Variants in DST observed in about 807,000 individuals in gnomAD.
The protein encoded by DST is bullous pemphigoid antigen.
A neutral mutation model predicts 875.2 loss-of-function variants in DST; 253 were observed. The ratio of observed to expected loss-of-function variants is 0.29; its 90% CI spans 0.26 to 0.32. The LOEUF (loss-of-function observed/expected upper bound fraction) is 0.32. Among genes scored for constraint, DST ranks in the 10% least tolerant of loss-of-function variants. DST has a pLI of 1.00. For missense variants in DST, 8,287 were observed against 9,111.6 expected (o/e 0.91, Z 3.68); for synonymous variants, 3,124 against 3,197.1 (o/e 0.98, Z 0.77).
At chr6:56,677,727 C>G (rs761091460) in intron 9 of DST, among the ~76,000 whole-genome samples, 10 of 152,200 alleles carry the variant, frequency 6.6e-5, no homozygotes, top group Non-Finnish European at 1.0e-4. Flanking sequence ...AAACTTGAAG[C>G]CTTCATGCCT....
At chr6:56,620,578 TTTC>T (rs2098681366) in intron 36 of DST, 1 of 1,614,090 alleles carries the variant, frequency 6.2e-7, no homozygotes, top group Admixed American at 1.7e-5. Flanking sequence ...GGGACTTTTG[TTTC>T]TTTAGTTCAG....
chr6:56,895,882 C>T (rs1228638481), intron 3 of DST, among the ~76,000 whole-genome samples: 3 of 29,228 alleles, frequency 1.0e-4, no homozygotes, highest in East Asian at 1.3e-3. Flanking sequence ...TCAGGCGTGG[C>T]GGCGCGCGCC....
rs2097344406 is a variant in DST, at chr6:56,552,795, T to C, written c.15997A>G (p.Lys5333Glu). 2 of 1,611,152 alleles carry C rather than the reference T, an allele frequency of 1.2e-6. No homozygotes were observed. The highest frequency in any genetic ancestry group is 1.7e-6 in the Non-Finnish European group (2 of 1,179,892). ...ACCACAAGGTCCTGTGCAAGTCTTT[T>C]AGCCAAATCTACCTGATGCTTCAAG... ...QALKHQVDLA[K>E]RLAQDLVVEA... The change falls in exon 61 of 104, where the codon AAA becomes GAA. Residue 5333 changes from lysine (K) to glutamate (E), a missense_variant. Physicochemically the swap from Lys to Glu is moderately conservative, Grantham distance 56. This residue lies in a region of DST where 1,513 missense variants were observed against 1,677.8 expected (regional missense o/e 0.90). Transcript: ENST00000680361.
rs1389301030 is a variant in DST, at chr6:56,604,906, A to T, written c.9722T>A (p.Met3241Lys). 2.5e-6 allele frequency: 4 copies of T among 1,612,632 alleles called. No individual in the cohort carries two copies. Among genetic ancestry groups the T allele is most frequent in the South Asian group, 2.2e-5 (2 of 91,028 alleles). ...ACTACAAAGATCATTGCTTTGGATC[A>T]TGTCATTAAGAGGTGAGTCTTTTTG... is the stretch of plus-strand genomic sequence containing the variant. Reference protein sequence around the residue: ...STQKDSPLNDMIQSNDLCSKE... With the variant: ...STQKDSPLNDKIQSNDLCSKE... Residue 3241 changes from methionine to lysine, a missense_variant, in exon 40 of 104, where the codon ATG becomes AAG. Around this residue, in one of 10 missense-constraint regions of DST, gnomAD observed 3,138 missense variants for 3,116.6 expected, o/e 1.01. Coordinates refer to ENST00000680361, the MANE Select transcript of DST (RefSeq NM_001374736.1).
At chr6:56,844,627 C>A (rs1239225202) in intron 4 of DST, among the ~76,000 whole-genome samples, 1 of 152,164 alleles carries the variant, frequency 6.6e-6, no homozygotes, top group Non-Finnish European at 1.5e-5. Flanking sequence ...GTAATCCCAG[C>A]ACTTTGGGAG....
At position 56,865,799 on chromosome 6, in the gene DST, C is replaced by T. The variant is rs75542424; in HGVS notation, c.418-14195G>A. On this transcript the variant is annotated intron_variant, in intron 3 of 103. Coordinates refer to ENST00000680361, the MANE Select transcript of DST (RefSeq NM_001374736.1). Reference sequence around the variant, plus strand: ...TCTGATGGAGTCTGAAAATCTGCTACCAAAAACTGCTGCCACAATGTCTGA... The same window carrying T: ...TCTGATGGAGTCTGAAAATCTGCTATCAAAAACTGCTGCCACAATGTCTGA... Among the ~76,000 whole-genome samples the T allele has an allele frequency of 7.2e-4, 109 of 152,250 alleles. 2 individuals are homozygous for T. In the East Asian group the frequency reaches 0.021, roughly 29 times the overall value.
chr6:56,576,073 C>T (rs935115352), intron 50 of DST, among the ~76,000 whole-genome samples: 32 of 152,154 alleles, frequency 2.1e-4, no homozygotes, highest in African/African-American at 7.7e-4. Context: ...TACCAATGGC[C>T]AATGATGTAA....
chr6:56,499,597 T>C (rs2096052502), intron 80 of DST, among the ~76,000 whole-genome samples: 1 of 152,040 alleles, frequency 6.6e-6, no homozygotes, highest in Non-Finnish European at 1.5e-5. Context: ...GCTGGGAATT[T>C]TATGTCCTCT....
At chr6:56,609,632 G>A (rs1028049621) in intron 39 of DST, among the ~76,000 whole-genome samples, 1 of 152,148 alleles carries the variant, frequency 6.6e-6, no homozygotes, top group Non-Finnish European at 1.5e-5. Context: ...GGACACAACA[G>A]AGTAGATGAT....
At chr6:56,834,460 G>A (rs1460996153) in intron 4 of DST, among the ~76,000 whole-genome samples, 9 of 152,176 alleles carry the variant, frequency 5.9e-5, no homozygotes, top group Non-Finnish European at 1.3e-4. Context: ...AGCCAGGCGT[G>A]GTGGCGGATG....
chr6:56,921,907 A>G (rs1215035134), intron 2 of DST, among the ~76,000 whole-genome samples: 1 of 151,842 alleles, frequency 6.6e-6, no homozygotes, highest in Non-Finnish European at 1.5e-5. Context: ...ATCTAACATG[A>G]AAAAAGGTTC....
chr6:56,502,932 A>G (rs1314293459), intron 78 of DST, among the ~76,000 whole-genome samples: 1 of 152,154 alleles, frequency 6.6e-6, no homozygotes, highest in Non-Finnish European at 1.5e-5. Flanking sequence ...GAAATAGCTG[A>G]TCCCATTTTG....
rs1163641037 is a variant in DST, at chr6:56,667,543, G to C, written c.1214+3098C>G. On this transcript the variant is annotated intron_variant, in intron 10 of 103. Coordinates refer to ENST00000680361, the MANE Select transcript of DST (RefSeq NM_001374736.1). ...AGAATTTCAGCAACAAAGAAATCTT[G>C]TAAGCATTTAAACCTGATATATGGT... Among the ~76,000 whole-genome samples the C allele has an allele frequency of 3.9e-5, 6 of 152,106 alleles. No individual in the cohort carries two copies. The East Asian group carries it at 1.2e-3, about 29-fold the overall frequency.
intron 49 of DST, among the ~76,000 whole-genome samples, chr6:56,584,399 G>A (rs1474576062): frequency 6.6e-6 from 1 of 152,048 alleles, no homozygotes; most frequent in Non-Finnish European, 1.5e-5. Context: ...CTGTTTGTCT[G>A]TTATGGGTGT....
In DST at chr6:56,604,027, CT is replaced by C; in HGVS notation, c.10600del (p.Ser3534AlafsTer11). On this transcript the variant is annotated frameshift_variant, in exon 40 of 104. Coordinates refer to ENST00000680361, the MANE Select transcript of DST (RefSeq NM_001374736.1). LOFTEE classifies it high-confidence loss of function. ...AGGAGAATAGTAGTTTCCTTCTTTG[CT>C]TTTAATATCACCAAGAATATGTGGC... ...EKPHILGDIKSKEGNYYSPNL... is the reference protein window; with the variant it reads ...EKPHILGDIKXKEGNYYSPNL... The C allele has an allele frequency of 6.3e-7, 1 of 1,593,562 alleles. No individual in the cohort carries two copies. The highest frequency in any genetic ancestry group is 8.6e-7 in the Non-Finnish European group (1 of 1,168,316).
chr6:56,790,892 A>G (rs1486139498), intron 4 of DST, among the ~76,000 whole-genome samples: 5 of 152,224 alleles, frequency 3.3e-5, no homozygotes, highest in Non-Finnish European at 7.3e-5. Context: ...TTTGGCCAAC[A>G]AGACCAAGAT....
chr6:56,639,067 T>C (rs1401918117), intron 22 of DST, 192 bp downstream of exon 22: 5 of 621,600 alleles, frequency 8.0e-6, no homozygotes, highest in Non-Finnish European at 1.4e-5. Context: ...GTACTTTTAT[T>C]CTAAGTGATG....
chr6:56,578,977 T>C (rs754544052), intron 49 of DST, 40 bp from the exon 50 acceptor site: 56 of 1,461,210 alleles, frequency 3.8e-5, no homozygotes, highest in Non-Finnish European at 4.8e-5. Context: ...TCAGCAGGAC[T>C]AAATAATAGA....
intron 4 of DST, among the ~76,000 whole-genome samples, chr6:56,785,032 A>T (rs1023322982): frequency 2.6e-5 from 4 of 152,212 alleles, no homozygotes; most frequent in Non-Finnish European, 4.4e-5. Context: ...CAGTGTCTGC[A>T]GAACCGCGGA....
Sources: gnomAD v4.1 joint callset for allele counts (sites outside exome capture counted in the v4.1 genomes callset) on GRCh38, gnomAD v4.1.1 for gene constraint, gnomAD v4.1.1 regional missense constraint, MANE v1.5 for transcripts, NCBI Gene and HGNC (gene_info 2026-07-23, HGNC 2026-07-21) for gene names.